Variants in RALGAPB observed in about 807,000 individuals in gnomAD.
RALGAPB encodes Ral GTPase activating protein non-catalytic subunit beta.
A neutral mutation model predicts 161.1 loss-of-function variants in RALGAPB; 25 were observed. The ratio of observed to expected loss-of-function variants is 0.16; its 90% confidence interval spans 0.11 to 0.22. RALGAPB has a LOEUF of 0.22. Ranked by LOEUF, RALGAPB falls within the 10% of genes least tolerant of loss-of-function variation. The probability of loss-of-function intolerance (pLI) is 1.00; values close to 1 mark genes in which losing one functional copy is unlikely to be tolerated. For synonymous variants in RALGAPB, 629 were observed against 626.1 expected (o/e 1.00, Z -0.07); for missense variants, 1,391 against 1,815.2 (o/e 0.77, Z 4.25).
chr20:38,505,692 A>G (rs2085741197), intron 5 of RALGAPB, among the ~76,000 whole-genome samples: 1 of 152,234 alleles, frequency 6.6e-6, no homozygotes, highest in Non-Finnish European at 1.5e-5. Context: ...TTGCATACTT[A>G]ATCGACTACA....
chr20:38,511,919 C>T (rs1251025605), intron 6 of RALGAPB, among the ~76,000 whole-genome samples: 3 of 151,882 alleles, frequency 2.0e-5, no homozygotes, highest in Non-Finnish European at 4.4e-5. Context: ...GGCAGAGGCG[C>T]CCCCCACCTC....
intron 3 of RALGAPB, among the ~76,000 whole-genome samples, chr20:38,495,424 GAGTC>G (rs2085398360): frequency 6.6e-6 from 1 of 152,132 alleles, no homozygotes; most frequent in Non-Finnish European, 1.5e-5. Context: ...GGTTAGCAAA[GAGTC>G]AGATAGCATT....
At chr20:38,523,497 C>T (rs974169489) in intron 10 of RALGAPB, among the ~76,000 whole-genome samples, 2 of 152,142 alleles carry the variant, frequency 1.3e-5, no homozygotes, top group South Asian at 4.1e-4. Context: ...CATGAGAGGG[C>T]AAGTTATTAG....
chr20:38,571,619 A>C (rs1296539059), intron 28 of RALGAPB, among the ~76,000 whole-genome samples: 1 of 152,202 alleles, frequency 6.6e-6, no homozygotes, highest in African/African-American at 2.4e-5. Flanking sequence ...ATGGATATTT[A>C]GGTTGCCTCC....
chr20:38,552,648 G>A (rs1383415708), intron 21 of RALGAPB, among the ~76,000 whole-genome samples: 1 of 152,158 alleles, frequency 6.6e-6, no homozygotes. Flanking sequence ...GAGAGAGTAG[G>A]TGAAGGTTCA....
chr20:38,532,989 A>G (rs991375800), intron 15 of RALGAPB, 130 bp downstream of exon 15: 2 of 1,065,888 alleles, frequency 1.9e-6, no homozygotes, highest in East Asian at 5.3e-5. Flanking sequence ...AGAGGATGTC[A>G]GTCTTAAGAA....
intron 3 of RALGAPB, among the ~76,000 whole-genome samples, chr20:38,496,614 T>C (rs929743688): frequency 1.4e-4 from 22 of 152,214 alleles, no homozygotes; most frequent in African/African-American, 5.3e-4. Context: ...TCTTCAGTCC[T>C]AGCCAAAATA....
intron 9 of RALGAPB, 80 bp from the exon 10 acceptor site, chr20:38,521,417 A>G: frequency 6.3e-7 from 1 of 1,579,670 alleles, no homozygotes; most frequent in Non-Finnish European, 8.6e-7. Context: ...TGACACCAAT[A>G]TTTGATCTTT....
intron 14 of RALGAPB, among the ~76,000 whole-genome samples, chr20:38,532,019 G>A (rs142522513): frequency 1.5e-3 from 232 of 152,094 alleles, no homozygotes; most frequent in Non-Finnish European, 2.9e-3. Context: ...GAAAGTTGCC[G>A]TTTGTTTATT....
rs1160970133 is a variant in RALGAPB, at chr20:38,576,687, C to A, written c.*1720C>A. On this transcript the variant is annotated 3_prime_UTR_variant, in exon 30 of 30. Transcript: ENST00000262879. ...CATATAGGATAAAGATGAGCAAATT[C>A]TACCCTAAAAATGTTCTAGTAGTTC... The A allele has an allele frequency of 6.6e-6, 1 of 152,512 alleles. No individual in the cohort carries two copies. The highest frequency in any genetic ancestry group is 1.5e-5 in the Non-Finnish European group (1 of 68,038). The allele number at this position is 152,512 out of a possible 1,614,324, so 9.4% of individuals were successfully genotyped here.
intron 28 of RALGAPB, among the ~76,000 whole-genome samples, chr20:38,571,488 C>T (rs1008978699): frequency 9.9e-5 from 15 of 152,100 alleles, no homozygotes; most frequent in Admixed American, 7.9e-4. Flanking sequence ...TTTGTGCCTG[C>T]CTTAGCGTAA....
At chr20:38,573,900 C>T (rs2088335024) in intron 28 of RALGAPB, 2 of 277,618 alleles carry the variant, frequency 7.2e-6, no homozygotes, top group Non-Finnish European at 1.3e-5. Flanking sequence ...TATATTTTTT[C>T]AGCTCCTTTC....
At chr20:38,474,269 G>A (rs6099852) in intron 1 of RALGAPB, among the ~76,000 whole-genome samples, 19,360 of 151,970 alleles carry the variant, frequency 0.13, 3,431 homozygotes, top group African/African-American at 0.4. Flanking sequence ...TCTCCTATAT[G>A]CATATACACA....
rs746542554 is a variant in RALGAPB at position 38,577,846 on chromosome 20, A to C, written c.*2879A>C. The C allele has an allele frequency of 6.6e-5, 10 of 152,142 alleles. No homozygotes were observed. The highest frequency in any genetic ancestry group is 1.2e-4 in the Non-Finnish European group (8 of 68,074). The allele number at this position is 152,142 out of a possible 1,614,324, so 9.4% of individuals were successfully genotyped here. On this transcript the variant is annotated 3_prime_UTR_variant, in exon 30 of 30. Transcript: ENST00000262879. ...ACCCACACCTTTGGCCAGTAATGTC[A>C]GTTACCTGCTGCAGGTTCTGTGTAT...
chr20:38,485,966 CTTTTTTT>C (rs11481893), intron 1 of RALGAPB, among the ~76,000 whole-genome samples: 1 of 90,712 alleles, frequency 1.1e-5, no homozygotes, highest in Non-Finnish European at 2.0e-5. Context: ...CTTTCTATAT[CTTTTTTT>C]TTTTTTTTTT....
intron 13 of RALGAPB, among the ~76,000 whole-genome samples, chr20:38,529,379 G>A (rs551300070): frequency 6.6e-6 from 1 of 151,948 alleles, no homozygotes; most frequent in African/African-American, 2.4e-5. Flanking sequence ...TTAGCAGGGT[G>A]TGATGGCACA....
chr20:38,566,376 G>A (rs1006118458), intron 25 of RALGAPB, among the ~76,000 whole-genome samples: 6 of 152,124 alleles, frequency 3.9e-5, no homozygotes, highest in African/African-American at 4.8e-5. Flanking sequence ...GAACCTGTCC[G>A]TCCTCTTTGG....
intron 16 of RALGAPB, among the ~76,000 whole-genome samples, chr20:38,535,740 A>G (rs1944903906): frequency 6.6e-6 from 1 of 152,096 alleles, no homozygotes; most frequent in South Asian, 2.1e-4. Context: ...ATACGCCATC[A>G]CAGCCAGCTA....
chr20:38,564,802 G>T (rs183002664), intron 24 of RALGAPB, among the ~76,000 whole-genome samples: 8 of 152,038 alleles, frequency 5.3e-5, no homozygotes, highest in Non-Finnish European at 1.0e-4. Context: ...AAAAGCAAGA[G>T]TCCAGAGATA....
Sources: gnomAD v4.1 joint callset for allele counts (sites outside exome capture counted in the v4.1 genomes callset) on GRCh38, gnomAD v4.1.1 for gene constraint, MANE v1.5 for transcripts, NCBI Gene and HGNC (gene_info 2026-07-23, HGNC 2026-07-21) for gene names.